PTPRM: variants seen among roughly 807,000 people sequenced by gnomAD.
PTPRM encodes the protein protein tyrosine phosphatase receptor type M.
PTPRM carries 47 observed loss-of-function variants against 186.7 expected under a neutral mutation model. That is an observed-to-expected ratio of 0.25 (90% CI 0.20 to 0.32). The LOEUF is 0.32. PTPRM is among the 10% of genes least tolerant of loss of function. PTPRM has a pLI of 1.00. For missense variants in PTPRM, 1,494 were observed against 1,865.0 expected (o/e 0.80, Z 3.66); for synonymous variants, 668 against 674.9 (o/e 0.99, Z 0.16).
At chr18:8,162,913 T>G (rs999939619) in intron 14 of PTPRM, among the ~76,000 whole-genome samples, 2 of 152,294 alleles carry the variant, frequency 1.3e-5, no homozygotes, top group African/African-American at 4.8e-5. Flanking sequence ...AGGCTGCAGT[T>G]GTAAAAATGC....
intron 14 of PTPRM, among the ~76,000 whole-genome samples, chr18:8,210,743 A>G (rs757479143): frequency 1.3e-5 from 2 of 152,212 alleles, no homozygotes; most frequent in Non-Finnish European, 2.9e-5. Flanking sequence ...ACGAGACTGT[A>G]TGACGTTCTG....
chr18:8,350,430 G>A (rs2148317688), intron 23 of PTPRM, among the ~76,000 whole-genome samples: 1 of 152,228 alleles, frequency 6.6e-6, no homozygotes, highest in Admixed American at 6.5e-5. Context: ...ATACAGACCT[G>A]GTGAGGCATA....
chr18:7,929,822 G>A (rs1012375654), intron 5 of PTPRM, among the ~76,000 whole-genome samples: 6 of 152,052 alleles, frequency 3.9e-5, no homozygotes, highest in East Asian at 1.9e-4. Context: ...TTTAGAGGTC[G>A]TGAAGACATG....
At chr18:8,104,091 A>G (rs1359351233) in intron 11 of PTPRM, among the ~76,000 whole-genome samples, 1 of 152,208 alleles carries the variant, frequency 6.6e-6, no homozygotes, top group African/African-American at 2.4e-5. Context: ...TGTAATAATA[A>G]TGAAAAAGTT....
chr18:8,305,732 CT>C (rs1046948959), intron 20 of PTPRM, among the ~76,000 whole-genome samples: 5 of 152,126 alleles, frequency 3.3e-5, no homozygotes, highest in Admixed American at 2.0e-4. Context: ...CTCCTGTTTC[CT>C]TTTTAAAAGT....
intron 7 of PTPRM, among the ~76,000 whole-genome samples, chr18:8,055,824 C>T (rs1315949107): frequency 6.6e-6 from 1 of 152,208 alleles, no homozygotes; most frequent in Non-Finnish European, 1.5e-5. Context: ...AGATACTTTA[C>T]ACACTGTTAT....
intron 31 of PTPRM, among the ~76,000 whole-genome samples, chr18:8,392,442 G>A (rs546046255): frequency 5.6e-4 from 85 of 152,188 alleles, no homozygotes; most frequent in African/African-American, 2.0e-3. Flanking sequence ...GGCTAACACG[G>A]TGAAACCCCA....
intron 2 of PTPRM, among the ~76,000 whole-genome samples, chr18:7,825,502 T>A (rs892182263): frequency 6.6e-6 from 1 of 151,842 alleles, no homozygotes; most frequent in African/African-American, 2.4e-5. Context: ...GCCAGGTGTT[T>A]GTGAGGGATG....
intron 3 of PTPRM, among the ~76,000 whole-genome samples, chr18:7,893,877 C>T (rs1279842539): frequency 6.6e-6 from 1 of 152,042 alleles, no homozygotes; most frequent in African/African-American, 2.4e-5. Flanking sequence ...ATGAGGTTTC[C>T]CAGTTGGGTT....
intron 2 of PTPRM, among the ~76,000 whole-genome samples, chr18:7,782,510 G>T (rs1280913007): frequency 6.6e-6 from 1 of 152,118 alleles, no homozygotes; most frequent in East Asian, 1.9e-4. Context: ...CATTCACATT[G>T]TACAACCATC....
intron 32 of PTPRM, among the ~76,000 whole-genome samples, chr18:8,395,833 G>A (rs1262271953): frequency 2.6e-5 from 4 of 152,150 alleles, no homozygotes; most frequent in Non-Finnish European, 5.9e-5. Flanking sequence ...AAACACATTA[G>A]TTTTGTCATT....
intron 1 of PTPRM, among the ~76,000 whole-genome samples, chr18:7,690,885 G>T (rs971654101): frequency 2.0e-5 from 3 of 152,094 alleles, no homozygotes; most frequent in African/African-American, 7.2e-5. Context: ...CTTCTTTTCT[G>T]ATTCAAAGAT....
chr18:8,157,045 C>T (rs942480497), intron 14 of PTPRM, among the ~76,000 whole-genome samples: 6 of 152,048 alleles, frequency 3.9e-5, no homozygotes, highest in Admixed American at 2.6e-4. Flanking sequence ...ACCTTTCCTC[C>T]TCAGAGACAA....
intron 23 of PTPRM, among the ~76,000 whole-genome samples, chr18:8,345,890 T>G (rs920478300): frequency 6.6e-6 from 1 of 151,988 alleles, no homozygotes; most frequent in African/African-American, 2.4e-5. Context: ...AAGCCCAACA[T>G]ATTAAGGAAT....
intron 7 of PTPRM, among the ~76,000 whole-genome samples, chr18:8,031,553 C>T (rs1022771521): frequency 6.6e-6 from 1 of 152,102 alleles, no homozygotes; most frequent in Non-Finnish European, 1.5e-5. Context: ...GTATCTTACT[C>T]GTGCACCTTA....
chr18:7,977,665 A>G (rs570698392), intron 7 of PTPRM, among the ~76,000 whole-genome samples: 10 of 152,326 alleles, frequency 6.6e-5, no homozygotes, highest in African/African-American at 2.2e-4. Context: ...GCTGTGATAC[A>G]AACTGACTTC....
chr18:7,819,113 G>T (rs1373724238), intron 2 of PTPRM, among the ~76,000 whole-genome samples: 2 of 152,192 alleles, frequency 1.3e-5, no homozygotes, highest in Non-Finnish European at 2.9e-5. Flanking sequence ...TACTTCTATG[G>T]TGTTATTGAT....
At chr18:8,271,031 A>G (rs1196389150) in intron 19 of PTPRM, among the ~76,000 whole-genome samples, 2 of 152,176 alleles carry the variant, frequency 1.3e-5, no homozygotes, top group Non-Finnish European at 2.9e-5. Flanking sequence ...AAGTAACTAA[A>G]TTAGGTTATA....
At chr18:8,095,055 A>T (rs769136182) in intron 11 of PTPRM, among the ~76,000 whole-genome samples, 1 of 152,104 alleles carries the variant, frequency 6.6e-6, no homozygotes, top group Non-Finnish European at 1.5e-5. Flanking sequence ...TTAAATACTC[A>T]TGAGGTTCAA....
Sources: allele counts gnomAD v4.1 joint callset (sites outside exome capture counted in the v4.1 genomes callset), GRCh38; gene constraint gnomAD v4.1.1; transcripts MANE v1.5; gene names NCBI Gene and HGNC (gene_info 2026-07-23, HGNC 2026-07-21).